The following LNPEP variants were observed in gnomAD, a reference collection of about 807,000 sequenced individuals.
LNPEP encodes leucyl-cystinyl aminopeptidase.
LNPEP carries 64 observed loss-of-function variants against 120.6 expected under a neutral mutation model. The observed-to-expected ratio is 0.53, with a 90% CI of 0.43 to 0.65. The LOEUF (loss-of-function observed/expected upper bound fraction) is 0.65. LNPEP is among the 30% of genes least tolerant of loss of function. LNPEP has a pLI of 0.00. For synonymous variants in LNPEP, 435 were observed against 425.4 expected (o/e 1.02, Z -0.28); for missense variants, 1,057 against 1,200.0 (o/e 0.88, Z 1.76).
At chr5:96,965,345 A>C (rs1403738538) in intron 1 of LNPEP, among the ~76,000 whole-genome samples, 1 of 151,498 alleles carries the variant, frequency 6.6e-6, no homozygotes, top group African/African-American at 2.4e-5. Flanking sequence ...AAGTAGATTG[A>C]GAATGCAGGC....
intron 11 of LNPEP, among the ~76,000 whole-genome samples, chr5:97,012,702 T>G (rs553793499): frequency 6.6e-6 from 1 of 152,324 alleles, no homozygotes; most frequent in African/African-American, 2.4e-5. Context: ...ATTAGCAGTT[T>G]TAAGGATTTT....
chr5:96,951,504 C>A (rs959083128), intron 1 of LNPEP, among the ~76,000 whole-genome samples: 1 of 152,062 alleles, frequency 6.6e-6, no homozygotes, highest in Non-Finnish European at 1.5e-5. Context: ...GTGATCCACC[C>A]GCCTCGGCCT....
Position 96,954,616 on chromosome 5 carries a change from CTCTA to C in LNPEP, c.19+18444_19+18447del, listed in dbSNP as rs1433154317. Among the ~76,000 whole-genome samples, 69 of 68,568 alleles carry C rather than the reference CTCTA, an allele frequency of 1.0e-3. 18 individuals carry two copies. Among genetic ancestry groups the C allele is most frequent in the African/African-American group, 1.8e-3 (38 of 20,878 alleles). The allele number at this position is 68,568 out of a possible 152,430, so 45.0% of individuals were successfully genotyped here. On this transcript the variant is annotated intron_variant, in intron 1 of 17. Transcript: ENST00000231368. ...CTTGCAAGTCTCTCTCTCTCTCTCT[CTCTA>C]TATATATATATACATATATACATAT...
rs2112616995 is a variant in LNPEP, at chr5:96,986,598, G to T, written c.1059G>T (p.Lys353Asn). Residue 353 changes from lysine (K) to asparagine (N), a missense_variant, in exon 4 of 18, where the codon AAG (lysine) becomes AAT (asparagine). Physicochemically the swap from Lys to Asn is moderately conservative, Grantham distance 94 (BLOSUM62 0). Transcript: ENST00000231368. ...AGGATGAGTTTTCTGAGAGTGTGAA[G>T]ATGAGCACTTACTTGGTTGCTTTCA... ...LVQDEFSESV[K>N]MSTYLVAFIV... The T allele has an allele frequency of 6.2e-7, 1 of 1,613,672 alleles. No individual in the cohort carries two copies. Among genetic ancestry groups the T allele is most frequent in the Middle Eastern group, 1.7e-4 (1 of 6,056 alleles).
chr5:97,024,741 C>T, intron 15 of LNPEP, 59 bp downstream of exon 15: 1 of 1,485,938 alleles, frequency 6.7e-7, no homozygotes, highest in Non-Finnish European at 9.2e-7. Flanking sequence ...ACACTGTGCT[C>T]TTGGTCAGGA....
rs1374793099 is a variant in LNPEP at position 97,033,743 on chromosome 5, G to A, written c.*5210G>A. 1.3e-5 allele frequency: 2 copies of A among 152,042 alleles called. No homozygotes were observed. Among genetic ancestry groups the A allele is most frequent in the Non-Finnish European group, 2.9e-5 (2 of 68,006 alleles). 9.4% of individuals were successfully genotyped at this position (152,042 alleles called of 1,614,324 possible). A position where few individuals can be genotyped will look rare whatever the true frequency, so the allele number is the denominator to read the frequency against. On this transcript the variant is annotated 3_prime_UTR_variant, in exon 18 of 18. Transcript: ENST00000231368. Reference sequence around the variant, plus strand: ...ATTAGCTTCAGGGATTCTTTGGTGGGTGTTGGGGTATATACTTTTGTATAT... The same window carrying A: ...ATTAGCTTCAGGGATTCTTTGGTGGATGTTGGGGTATATACTTTTGTATAT...
Position 97,032,486 on chromosome 5 carries a change from C to T in LNPEP, c.*3953C>T, listed in dbSNP as rs1412135525. 6.6e-6 allele frequency: 1 copy of T among 152,010 alleles called. No homozygotes were observed. Among genetic ancestry groups the T allele is most frequent in the African/African-American group, 2.4e-5 (1 of 41,374 alleles). 9.4% of individuals were successfully genotyped at this position (152,010 alleles called of 1,614,324 possible). On this transcript the variant is annotated 3_prime_UTR_variant, in exon 18 of 18. Transcript: ENST00000231368. The stretch of plus-strand genomic sequence containing the variant: ...TGGGAGTATATACTTTAAAAATGTA[C>T]ATACATGTTTTTGATAGTTTTTATA...
At position 97,036,037 on chromosome 5, in the gene LNPEP, A is replaced by G. The variant is rs952109894; in HGVS notation, c.*7504A>G. The G allele has an allele frequency of 1.3e-5, 2 of 150,792 alleles. No individual in the cohort carries two copies. The highest frequency in any genetic ancestry group is 3.0e-5 in the Non-Finnish European group (2 of 66,920). 9.3% of individuals were successfully genotyped at this position (150,792 alleles called of 1,614,324 possible). A position where few individuals can be genotyped will look rare whatever the true frequency, so the allele number is the denominator to read the frequency against. On this transcript the variant is annotated 3_prime_UTR_variant, in exon 18 of 18. Coordinates refer to ENST00000231368, the MANE Select transcript of LNPEP (RefSeq NM_005575.3). ...GTAAACCGGCGAAGCTGATAAGCCAATAAGAGTGCTGTCTAGAACGCATTT... is the reference window on the plus strand; with the variant it reads ...GTAAACCGGCGAAGCTGATAAGCCAGTAAGAGTGCTGTCTAGAACGCATTT...
At chr5:96,938,417 C>G (rs1054119668) in intron 1 of LNPEP, among the ~76,000 whole-genome samples, 2 of 152,122 alleles carry the variant, frequency 1.3e-5, no homozygotes, top group African/African-American at 4.8e-5. Flanking sequence ...ATGAGCTTAA[C>G]AAAAAACAGT....
chr5:96,979,042 T>C, intron 1 of LNPEP, 96 bp from the exon 2 acceptor site: 1 of 1,388,640 alleles, frequency 7.2e-7, no homozygotes, highest in South Asian at 1.5e-5. Flanking sequence ...AAAAAATTCT[T>C]AGTTTAAATG....
intron 8 of LNPEP, among the ~76,000 whole-genome samples, chr5:97,002,074 G>A (rs1163219994): frequency 6.6e-6 from 1 of 152,294 alleles, no homozygotes; most frequent in East Asian, 1.9e-4. Context: ...AGGAGGCGGA[G>A]GTTGTAGTGA....
At chr5:96,976,806 C>T (rs1790009548) in intron 1 of LNPEP, among the ~76,000 whole-genome samples, 1 of 151,558 alleles carries the variant, frequency 6.6e-6, no homozygotes, top group Non-Finnish European at 1.5e-5. Flanking sequence ...AAAACTACTA[C>T]AGAAACTTTC....
At chr5:96,994,013 A>C in intron 6 of LNPEP, 42 bp downstream of exon 6, 1 of 1,564,364 alleles carries the variant, frequency 6.4e-7, no homozygotes, top group Non-Finnish European at 8.8e-7. Context: ...CCTGTGGTCT[A>C]CTTCATGTCC....
chr5:97,003,989 C>T (rs372879264), intron 9 of LNPEP, among the ~76,000 whole-genome samples: 9 of 152,020 alleles, frequency 5.9e-5, no homozygotes, highest in African/African-American at 1.9e-4. Flanking sequence ...ACTGTTCCTC[C>T]AGAGTAGATG....
At chr5:96,951,320 G>GCGAT (rs781242727) in intron 1 of LNPEP, among the ~76,000 whole-genome samples, 3 of 151,964 alleles carry the variant, frequency 2.0e-5, no homozygotes, top group Non-Finnish European at 2.9e-5. Context: ...GTGCAGTGGC[G>GCGAT]CGATCTCAGC....
chr5:96,990,439 T>C (rs1161192511), intron 4 of LNPEP, among the ~76,000 whole-genome samples: 7 of 152,222 alleles, frequency 4.6e-5, no homozygotes, highest in Non-Finnish European at 8.8e-5. Flanking sequence ...TTTAATTGGT[T>C]AACTCCAGTT....
intron 1 of LNPEP, among the ~76,000 whole-genome samples, chr5:96,950,580 A>G (rs986189469): frequency 2.6e-5 from 4 of 152,222 alleles, no homozygotes; most frequent in African/African-American, 9.7e-5. Flanking sequence ...CTATTAGTTG[A>G]CGTAACAAAA....
chr5:96,995,532 T>C (rs908666505), intron 6 of LNPEP, among the ~76,000 whole-genome samples: 2 of 152,078 alleles, frequency 1.3e-5, no homozygotes, highest in Admixed American at 1.3e-4. Flanking sequence ...CCATCTTTTT[T>C]TTTTTGTTTT....
At position 96,936,118 on chromosome 5, in the gene LNPEP, C is replaced by G; in HGVS notation, c.-38C>G. ...GCCTCAGCTCTCGGAGTAGGAAGCT[C>G]GGGCGCTCCGGCTGTAAGGAGCCGC... On this transcript the variant is annotated 5_prime_UTR_variant, in exon 1 of 18. Coordinates refer to ENST00000231368, the MANE Select transcript of LNPEP (RefSeq NM_005575.3). The G allele has an allele frequency of 1.3e-6, 2 of 1,513,876 alleles. No homozygotes were observed. Among genetic ancestry groups the G allele is most frequent in the South Asian group, 2.4e-5 (2 of 82,540 alleles). 93.8% of individuals were successfully genotyped at this position (1,513,876 alleles called of 1,614,324 possible). A position where few individuals can be genotyped will look rare whatever the true frequency, so the allele number is the denominator to read the frequency against.
Sources: allele counts gnomAD v4.1 joint callset (sites outside exome capture counted in the v4.1 genomes callset), GRCh38; gene constraint gnomAD v4.1.1; transcripts MANE v1.5; gene names NCBI Gene and HGNC (gene_info 2026-07-23, HGNC 2026-07-21).